Variants in PLCL2 observed in about 807,000 individuals in gnomAD.
The protein encoded by PLCL2 is phospholipase C like 2, also known as inactive phospholipase C-like protein 2.
In PLCL2, 4 loss-of-function variants were observed where a neutral mutation model predicts 79.6. That is an observed-to-expected ratio of 0.05 (90% CI 0.02 to 0.11). PLCL2 has a LOEUF of 0.11. Among genes scored for constraint, PLCL2 ranks in the 10% least tolerant of loss-of-function variants. The probability of loss-of-function intolerance (pLI) is 1.00; values close to 1 mark genes in which losing one functional copy is unlikely to be tolerated. For synonymous variants in PLCL2, 484 were observed against 457.7 expected (o/e 1.06, Z -0.73); for missense variants, 895 against 1,291.0 (o/e 0.69, Z 4.70).
At chr3:16,943,963 T>C (rs1575543498) in intron 1 of PLCL2, among the ~76,000 whole-genome samples, 1 of 152,208 alleles carries the variant, frequency 6.6e-6, no homozygotes, top group Admixed American at 6.5e-5. Context: ...AGGTCACTTT[T>C]TATTACATAT....
intron 2 of PLCL2, among the ~76,000 whole-genome samples, chr3:17,013,563 G>A (rs1008716734): frequency 2.0e-5 from 3 of 152,288 alleles, no homozygotes; most frequent in Admixed American, 6.5e-5. Context: ...CAATATCAAA[G>A]TGATTTGAGC....
intron 1 of PLCL2, among the ~76,000 whole-genome samples, chr3:16,902,060 C>T (rs1696631423): frequency 6.6e-6 from 1 of 152,196 alleles, no homozygotes. Context: ...TGAGCCCAGA[C>T]ACTGCTGTCT....
chr3:17,054,327 A>C (rs1456170648), intron 4 of PLCL2, among the ~76,000 whole-genome samples: 1 of 152,112 alleles, frequency 6.6e-6, no homozygotes, highest in Admixed American at 6.5e-5. Context: ...TGTCCATGTC[A>C]CTATCAGTAT....
At chr3:16,894,075 A>T (rs1696413888) in intron 1 of PLCL2, among the ~76,000 whole-genome samples, 1 of 152,210 alleles carries the variant, frequency 6.6e-6, no homozygotes, top group Non-Finnish European at 1.5e-5. Flanking sequence ...CTACCATCAG[A>T]ATTACAAGCC....
intron 2 of PLCL2, 137 bp from the exon 3 acceptor site, chr3:17,014,568 CATT>C (rs750787898): frequency 1.3e-4 from 89 of 693,654 alleles, no homozygotes; most frequent in Admixed American, 3.1e-4. Flanking sequence ...ATAAAACAAT[CATT>C]AGCCAATTCT....
chr3:16,971,480 C>T lies in PLCL2; in HGVS notation c.328-38194C>T, dbSNP rs536457388. Among the ~76,000 whole-genome samples the T allele has an allele frequency of 3.8e-4, 58 of 152,202 alleles. 1 individual carries two copies. In the South Asian group the frequency reaches 0.011, roughly 28 times the overall value. ...TGTAGTATAGTTTGAAGTCAGGTAGCGTGATGCCTCCAGCTTTGTTCTTTT... is the reference window on the plus strand; with the variant it reads ...TGTAGTATAGTTTGAAGTCAGGTAGTGTGATGCCTCCAGCTTTGTTCTTTT... On this transcript the variant is annotated intron_variant, in intron 1 of 5. Transcript: ENST00000615277.
At chr3:16,922,146 C>G (rs569339775) in intron 1 of PLCL2, among the ~76,000 whole-genome samples, 1 of 152,250 alleles carries the variant, frequency 6.6e-6, no homozygotes, top group African/African-American at 2.4e-5. Flanking sequence ...GAATTTGGCT[C>G]TGCAGTTTTT....
rs1197222606 is a variant in PLCL2 at position 16,886,404 on chromosome 3, C to G, written c.327+1038C>G. The stretch of plus-strand genomic sequence containing the variant: ...GCTGATAACTGGTGGGAGGGCAGAA[C>G]GTGCCACAGTAAAGAGAGTTGGCAG... On this transcript the variant is annotated intron_variant, in intron 1 of 5. Transcript: ENST00000615277. The surrounding 1 kb of genome is among the most constrained non-coding windows in gnomAD (Gnocchi z 4.2). Among the ~76,000 whole-genome samples the G allele has an allele frequency of 6.6e-6, 1 of 152,216 alleles. No individual in the cohort carries two copies. The highest frequency in any genetic ancestry group is 2.4e-5 in the African/African-American group (1 of 41,456).
At chr3:16,962,421 T>G (rs2124970509) in intron 1 of PLCL2, among the ~76,000 whole-genome samples, 1 of 131,008 alleles carries the variant, frequency 7.6e-6, no homozygotes, top group Middle Eastern at 3.9e-3. Flanking sequence ...TCCAGGAGCT[T>G]TCTTTTTTTT....
chr3:17,020,428 A>G (rs2064436768), intron 3 of PLCL2, among the ~76,000 whole-genome samples: 1 of 152,200 alleles, frequency 6.6e-6, no homozygotes, highest in Non-Finnish European at 1.5e-5. Flanking sequence ...TCTTACAGGC[A>G]GTACGGTGGT....
chr3:16,918,610 G>A (rs962393993), intron 1 of PLCL2, among the ~76,000 whole-genome samples: 3 of 152,090 alleles, frequency 2.0e-5, no homozygotes, highest in East Asian at 1.9e-4. Context: ...TCATATTACC[G>A]TAATAGTTAA....
intron 1 of PLCL2, among the ~76,000 whole-genome samples, chr3:16,924,083 TC>T (rs1167316549): frequency 1.3e-5 from 2 of 152,346 alleles, no homozygotes; most frequent in African/African-American, 4.8e-5. Context: ...TGATTAAAAA[TC>T]TTTGATTAGT....
At chr3:17,038,611 A>T (rs2064684734) in intron 3 of PLCL2, among the ~76,000 whole-genome samples, 1 of 152,116 alleles carries the variant, frequency 6.6e-6, no homozygotes, top group African/African-American at 2.4e-5. Context: ...TAAATTATTT[A>T]TTATTTATAA....
chr3:17,004,047 A>G (rs2064235896), intron 1 of PLCL2, among the ~76,000 whole-genome samples: 2 of 152,184 alleles, frequency 1.3e-5, no homozygotes, highest in South Asian at 4.1e-4. Flanking sequence ...TGGTGGCCAC[A>G]TCTTCTTCCC....
chr3:17,009,575 G>A lies in PLCL2; in HGVS notation c.328-99G>A. 1.6e-6 allele frequency: 1 copy of A among 632,096 alleles called. No individual in the cohort carries two copies. Among genetic ancestry groups the A allele is most frequent in the Non-Finnish European group, 2.7e-6 (1 of 374,734 alleles). 39.2% of individuals were successfully genotyped at this position (632,096 alleles called of 1,614,324 possible). The stretch of plus-strand genomic sequence containing the variant: ...GAATCTAGAATAGGAAATCTTAATA[G>A]TATGATTTTTTTCTAGGAAATTAAA... On this transcript the variant is annotated intron_variant, in intron 1 of 5. Coordinates refer to ENST00000615277, the MANE Select transcript of PLCL2 (RefSeq NM_001144382.2). The surrounding 1 kb of genome is among the most constrained non-coding windows in gnomAD (Gnocchi z 4.0).
intron 1 of PLCL2, among the ~76,000 whole-genome samples, chr3:16,973,095 A>T (rs1295387613): frequency 6.6e-6 from 1 of 152,118 alleles, no homozygotes; most frequent in East Asian, 1.9e-4. Flanking sequence ...CTATGTATTT[A>T]AGTGTGTTTT....
intron 1 of PLCL2, among the ~76,000 whole-genome samples, chr3:16,937,809 G>C (rs974110305): frequency 1.4e-4 from 21 of 152,094 alleles, no homozygotes; most frequent in African/African-American, 4.8e-4. Context: ...TTTTATGAAC[G>C]CTGAGAGTAT....
intron 1 of PLCL2, among the ~76,000 whole-genome samples, chr3:16,990,339 T>C (rs1180707325): frequency 6.6e-6 from 1 of 152,212 alleles, no homozygotes; most frequent in Non-Finnish European, 1.5e-5. Flanking sequence ...CCAGTCTTTT[T>C]CACTTAGGTA....
chr3:16,937,250 C>T (rs1422031381), intron 1 of PLCL2, among the ~76,000 whole-genome samples: 2 of 152,270 alleles, frequency 1.3e-5, no homozygotes, highest in African/African-American at 4.8e-5. Flanking sequence ...CAAGAATAGG[C>T]TACCGGGAGG....
Sources: allele counts gnomAD v4.1 joint callset (sites outside exome capture counted in the v4.1 genomes callset), GRCh38; gene constraint gnomAD v4.1.1; non-coding constraint Gnocchi (gnomAD v3.1); transcripts MANE v1.5; gene names NCBI Gene and HGNC (gene_info 2026-07-23, HGNC 2026-07-21).